The following LRRC17 variants were observed in gnomAD, a reference collection of about 807,000 sequenced individuals.
The protein encoded by LRRC17 is leucine rich repeat containing 17.
In LRRC17, 33 loss-of-function variants were observed where a neutral mutation model predicts 41.5. That is an observed-to-expected ratio of 0.80 (90% CI 0.60 to 1.06). The LOEUF is 1.06. Ranked by LOEUF, LRRC17 falls within the 50% of genes least tolerant of loss-of-function variation. The pLI is 0.00. For synonymous variants in LRRC17, 192 were observed against 197.0 expected, an observed-to-expected ratio of 0.97 and a Z score of 0.21; for missense variants, 491 against 519.3, an observed-to-expected ratio of 0.95 and a Z score of 0.53.
chr7:102,931,817 T>C, intron 1 of LRRC17: 3 of 1,472,160 alleles, frequency 2.0e-6, no homozygotes, highest in Admixed American at 1.8e-5. Flanking sequence ...ATTCTGCATA[T>C]TGGCACCCCA....
chr7:102,934,141 G>T lies in LRRC17; in HGVS notation c.228G>T (p.Leu76=). The change falls in exon 2 of 4, where the codon CTG becomes CTT. Residue 76 remains leucine, a synonymous_variant. Coordinates refer to ENST00000339431, the MANE Select transcript of LRRC17 (RefSeq NM_001031692.3). ...AAGAAAGAAAATTAGTTTATGTGCT[G>T]CCTGGTTGGCCTCAGGATTTGCTGC... is the stretch of plus-strand genomic sequence containing the variant. The part of the protein sequence containing the change: ...DCQERKLVYV[L]PGWPQDLLHM... The T allele has an allele frequency of 6.2e-7, 1 of 1,614,154 alleles. No individual in the cohort carries two copies. The highest frequency in any genetic ancestry group is 2.2e-5 in the East Asian group (1 of 44,890).
At chr7:102,924,170 G>A (rs1584960223) in intron 1 of LRRC17, among the ~76,000 whole-genome samples, 1 of 150,452 alleles carries the variant, frequency 6.6e-6, no homozygotes, top group African/African-American at 2.4e-5. Context: ...CCTGGGAGGC[G>A]AAGGTTGCGG....
chr7:102,930,937 T>G (rs1316839154), intron 1 of LRRC17, among the ~76,000 whole-genome samples: 4 of 152,176 alleles, frequency 2.6e-5, no homozygotes, highest in African/African-American at 9.7e-5. Context: ...TGTTGTGCTA[T>G]GACTACCACA....
At chr7:102,927,071 T>G (rs1003479637) in intron 1 of LRRC17, among the ~76,000 whole-genome samples, 5 of 152,218 alleles carry the variant, frequency 3.3e-5, no homozygotes, top group Admixed American at 2.6e-4. Flanking sequence ...AGTGGGACCA[T>G]GAAATAAGAG....
At chr7:102,943,658 C>T (rs560147269) in intron 3 of LRRC17, among the ~76,000 whole-genome samples, 1 of 152,280 alleles carries the variant, frequency 6.6e-6, no homozygotes, top group South Asian at 2.1e-4. Context: ...CCACCCATTA[C>T]AGGAATCTCA....
intron 1 of LRRC17, among the ~76,000 whole-genome samples, chr7:102,922,696 G>C (rs1817290678): frequency 6.6e-6 from 1 of 152,126 alleles, no homozygotes; most frequent in Middle Eastern, 3.2e-3. Context: ...ATGATGACTG[G>C]GCGTGGTGGC....
intron 1 of LRRC17, among the ~76,000 whole-genome samples, chr7:102,917,731 A>G (rs1472609750): frequency 6.6e-6 from 1 of 152,234 alleles, no homozygotes; most frequent in Non-Finnish European, 1.5e-5. Context: ...AGATTGTTCC[A>G]GGATGACACT....
rs1264735832 is a variant in LRRC17 at position 102,942,427 on chromosome 7, AAGAG to A, written c.929-1781_929-1778del. On this transcript the variant is annotated intron_variant, in intron 3 of 3. Coordinates refer to ENST00000339431, the MANE Select transcript of LRRC17 (RefSeq NM_001031692.3). ...TAAAATGCCAGACATTGTTGTGGAAAAGAGAAAGAAGATACCCTACTAGGGGGTT... is the reference window on the plus strand; with the variant it reads ...TAAAATGCCAGACATTGTTGTGGAAAAAAGAAGATACCCTACTAGGGGGTT... The A allele has an allele frequency of 2.5e-6, 3 of 1,222,960 alleles. No homozygotes were observed. In the East Asian group the frequency reaches 7.8e-5, roughly 32 times the overall value. The allele number at this position is 1,222,960 out of a possible 1,614,324, so 75.8% of individuals were successfully genotyped here. A position where few individuals can be genotyped will look rare whatever the true frequency, so the allele number is the denominator to read the frequency against.
intron 1 of LRRC17, chr7:102,926,237 A>C: frequency 1.9e-6 from 3 of 1,581,400 alleles, no homozygotes; most frequent in East Asian, 4.5e-5. Context: ...TGGGAGCATA[A>C]TTTTTTTCAG....
At chr7:102,940,721 G>C (rs1365440698) in intron 3 of LRRC17, among the ~76,000 whole-genome samples, 1 of 152,074 alleles carries the variant, frequency 6.6e-6, no homozygotes, top group Non-Finnish European at 1.5e-5. Context: ...TTCTCCATTT[G>C]CTAAGCAAAG....
chr7:102,935,455 A>C (rs936321146), intron 2 of LRRC17, among the ~76,000 whole-genome samples: 2 of 151,916 alleles, frequency 1.3e-5, no homozygotes, highest in East Asian at 1.9e-4. Flanking sequence ...AAACAATAAA[A>C]ATTTAAAGAA....
At chr7:102,935,608 A>G (rs1015727092) in intron 2 of LRRC17, among the ~76,000 whole-genome samples, 4 of 152,222 alleles carry the variant, frequency 2.6e-5, no homozygotes, top group African/African-American at 9.7e-5. Context: ...CATGCAAGAT[A>G]AAGTCATGAG....
chr7:102,931,857 G>A (rs751479971), intron 1 of LRRC17: 1 of 1,609,222 alleles, frequency 6.2e-7, no homozygotes, highest in East Asian at 2.2e-5. Context: ...ATAAACAGCA[G>A]TAAAAATGGT....
rs540288190 is a variant in LRRC17, at chr7:102,943,966, T to C, written c.929-244T>C. On this transcript the variant is annotated intron_variant, in intron 3 of 3. Transcript: ENST00000339431. ...CCTTGGAAAATACATTCTTGCATCATAAAGGTGACAAAAAGCCTATCTAGT... is the reference window on the plus strand; with the variant it reads ...CCTTGGAAAATACATTCTTGCATCACAAAGGTGACAAAAAGCCTATCTAGT... Among the ~76,000 whole-genome samples, 135 of 152,246 alleles carry C rather than the reference T, an allele frequency of 8.9e-4. 2 individuals are homozygous for C. Among genetic ancestry groups the C allele is most frequent in the South Asian group, 6.6e-3 (32 of 4,824 alleles).
In LRRC17 at chr7:102,944,680, G is replaced by GA; in HGVS notation, c.*74dup. 7.4e-7 allele frequency: 1 copy of GA among 1,346,880 alleles called. No individual in the cohort carries two copies. The highest frequency in any genetic ancestry group is 2.3e-4 in the Middle Eastern group (1 of 4,370). The allele number at this position is 1,346,880 out of a possible 1,614,324, so 83.4% of individuals were successfully genotyped here. A position where few individuals can be genotyped will look rare whatever the true frequency, so the allele number is the denominator to read the frequency against. On this transcript the variant is annotated 3_prime_UTR_variant, in exon 4 of 4. Coordinates refer to ENST00000339431, the MANE Select transcript of LRRC17 (RefSeq NM_001031692.3). ...TGTTAGAAAACATATGTTTACATTT[G>GA]ATTAACTGTGTTGCCTATTTATGCA...
intron 1 of LRRC17, among the ~76,000 whole-genome samples, chr7:102,915,900 A>G (rs1000360631): frequency 8.5e-5 from 13 of 152,220 alleles, no homozygotes; most frequent in African/African-American, 2.9e-4. Context: ...TTATATGAGT[A>G]AAAATGTCCC....
intron 1 of LRRC17, chr7:102,926,282 G>T: frequency 6.2e-7 from 1 of 1,613,344 alleles, no homozygotes; most frequent in South Asian, 1.1e-5. Flanking sequence ...ACCTCGGCAG[G>T]AGTCGCATCG....
intron 1 of LRRC17, chr7:102,926,169 T>C (rs1818090528): frequency 1.2e-6 from 1 of 834,388 alleles, no homozygotes; most frequent in South Asian, 1.7e-5. Flanking sequence ...GCCACAGTGG[T>C]GGGGTGTTGA....
chr7:102,918,817 G>A (rs1427317414), intron 1 of LRRC17, among the ~76,000 whole-genome samples: 2 of 152,024 alleles, frequency 1.3e-5, no homozygotes, highest in African/African-American at 4.8e-5. Flanking sequence ...TGTAAGTTCA[G>A]ATTTTCACCA....
Sources: allele counts gnomAD v4.1 joint callset (sites outside exome capture counted in the v4.1 genomes callset), GRCh38; gene constraint gnomAD v4.1.1; transcripts MANE v1.5; gene names NCBI Gene and HGNC (gene_info 2026-07-23, HGNC 2026-07-21).